Variants in PARD3B observed in about 807,000 individuals in gnomAD.
PARD3B encodes partitioning defective 3 homolog B.
A neutral mutation model predicts 130.2 loss-of-function variants in PARD3B; 103 were observed. The ratio of observed to expected loss-of-function variants is 0.79; its 90% CI spans 0.67 to 0.93. PARD3B has a LOEUF of 0.93. Ranked by LOEUF, PARD3B falls within the 40% of genes least tolerant of loss-of-function variation. The pLI is 0.00. For missense variants in PARD3B, 1,609 were observed against 1,499.2 expected, an observed-to-expected ratio of 1.07 and a Z score of -1.21; for synonymous variants, 583 against 553.2, an observed-to-expected ratio of 1.05 and a Z score of -0.76.
intron 2 of PARD3B, among the ~76,000 whole-genome samples, chr2:204,698,751 G>T (rs1175671906): frequency 6.6e-6 from 1 of 151,926 alleles, no homozygotes; most frequent in Admixed American, 6.6e-5. Flanking sequence ...GTCAATGCGT[G>T]GTCTTACAGA....
intron 2 of PARD3B, among the ~76,000 whole-genome samples, chr2:204,829,947 C>T (rs565751415): frequency 1.4e-5 from 2 of 140,964 alleles, no homozygotes; most frequent in South Asian, 2.2e-4. Context: ...TGCAGTGAGC[C>T]GAGATCGCGC....
intron 15 of PARD3B, among the ~76,000 whole-genome samples, chr2:205,215,500 T>G (rs1226013661): frequency 1.3e-5 from 2 of 152,038 alleles, no homozygotes; most frequent in East Asian, 1.9e-4. Context: ...AACAAATATT[T>G]CAATTCGGAA....
At chr2:205,425,550 TAAA>T (rs34514205) in intron 19 of PARD3B, among the ~76,000 whole-genome samples, 44 of 134,636 alleles carry the variant, frequency 3.3e-4, no homozygotes, top group Non-Finnish European at 2.7e-4. Context: ...AGACTCGGTG[TAAA>T]AAAAAAAAAA....
chr2:205,491,570 A>C (rs1467736216), intron 20 of PARD3B, among the ~76,000 whole-genome samples: 5 of 152,158 alleles, frequency 3.3e-5, no homozygotes, highest in African/African-American at 1.2e-4. Flanking sequence ...CTTTTTGCTT[A>C]GGATTGACTT....
chr2:205,317,130 A>G (rs763579660), intron 18 of PARD3B, among the ~76,000 whole-genome samples: 33 of 152,220 alleles, frequency 2.2e-4, no homozygotes, highest in Non-Finnish European at 4.3e-4. Flanking sequence ...GCATCCTTGA[A>G]TTACATAAAT....
intron 22 of PARD3B, among the ~76,000 whole-genome samples, chr2:205,600,135 T>A (rs970167053): frequency 6.6e-6 from 1 of 152,198 alleles, no homozygotes; most frequent in Non-Finnish European, 1.5e-5. Flanking sequence ...GAATGGTCCA[T>A]TGGAAAAGGG....
intron 18 of PARD3B, among the ~76,000 whole-genome samples, chr2:205,385,506 A>G (rs1038451243): frequency 3.9e-5 from 6 of 152,178 alleles, no homozygotes; most frequent in African/African-American, 1.2e-4. Flanking sequence ...CTGGAAAAAC[A>G]CTGATAATCC....
intron 18 of PARD3B, among the ~76,000 whole-genome samples, chr2:205,359,121 C>T (rs1484400227): frequency 6.6e-6 from 1 of 152,216 alleles, no homozygotes; most frequent in Non-Finnish European, 1.5e-5. Flanking sequence ...CATTCCCTGA[C>T]TCTTACAAAC....
intron 2 of PARD3B, among the ~76,000 whole-genome samples, chr2:204,807,143 C>T (rs1156870309): frequency 6.6e-6 from 1 of 152,108 alleles, no homozygotes; most frequent in Admixed American, 6.6e-5. Context: ...ATGAGAACAG[C>T]ATGGGAAAAA....
intron 4 of PARD3B, among the ~76,000 whole-genome samples, chr2:205,058,337 T>A (rs1699861343): frequency 6.6e-6 from 1 of 151,992 alleles, no homozygotes; most frequent in Non-Finnish European, 1.5e-5. Context: ...TATCTACTCA[T>A]CTCTTGATGG....
chr2:205,208,642 C>G (rs976778827), intron 15 of PARD3B, among the ~76,000 whole-genome samples: 2 of 143,120 alleles, frequency 1.4e-5, no homozygotes, highest in African/African-American at 5.4e-5. Context: ...GAATAAAATA[C>G]CTAGGAATCC....
At chr2:205,089,679 T>C (rs1003062341) in intron 4 of PARD3B, among the ~76,000 whole-genome samples, 5 of 152,224 alleles carry the variant, frequency 3.3e-5, no homozygotes, top group African/African-American at 1.2e-4. Flanking sequence ...CAAAATCTCA[T>C]TGATTCTCCA....
intron 22 of PARD3B, among the ~76,000 whole-genome samples, chr2:205,582,446 G>A (rs1252075115): frequency 6.6e-6 from 1 of 152,152 alleles, no homozygotes; most frequent in Non-Finnish European, 1.5e-5. Context: ...TTTAATAATT[G>A]TGCTTGAGAA....
At chr2:205,104,974 A>G (rs1264901990) in intron 5 of PARD3B, among the ~76,000 whole-genome samples, 2 of 152,154 alleles carry the variant, frequency 1.3e-5, no homozygotes, top group East Asian at 3.9e-4. Flanking sequence ...AACCCTGTCT[A>G]TCAACCAGGG....
intron 15 of PARD3B, among the ~76,000 whole-genome samples, chr2:205,217,023 C>CA (rs11294783): frequency 2.0e-4 from 30 of 148,658 alleles, no homozygotes; most frequent in Non-Finnish European, 3.1e-4. Flanking sequence ...ATGTTTCAGG[C>CA]AAAAAAAAAA....
At chr2:204,883,791 G>A (rs1180506876) in intron 2 of PARD3B, among the ~76,000 whole-genome samples, 1 of 147,214 alleles carries the variant, frequency 6.8e-6, no homozygotes, top group Non-Finnish European at 1.5e-5. Flanking sequence ...CCAGGCTGGA[G>A]TGCAGTGGTG....
chr2:205,089,989 A>C (rs550696580), intron 4 of PARD3B, among the ~76,000 whole-genome samples: 1 of 152,294 alleles, frequency 6.6e-6, no homozygotes, highest in South Asian at 2.1e-4. Context: ...TTGCCTCACA[A>C]GTGAAGAGGT....
intron 10 of PARD3B, among the ~76,000 whole-genome samples, chr2:205,137,996 A>G (rs911934975): frequency 2.0e-5 from 3 of 152,218 alleles, no homozygotes; most frequent in Admixed American, 1.3e-4. Context: ...AGAGCACCAA[A>G]TCACATTTCA....
At chr2:204,741,500 A>G (rs1345197761) in intron 2 of PARD3B, among the ~76,000 whole-genome samples, 1 of 152,154 alleles carries the variant, frequency 6.6e-6, no homozygotes, top group Non-Finnish European at 1.5e-5. Flanking sequence ...GTCTTAGTTC[A>G]TAATTCAGTA....
Sources: gnomAD v4.1 joint callset for allele counts (sites outside exome capture counted in the v4.1 genomes callset) on GRCh38, gnomAD v4.1.1 for gene constraint, MANE v1.5 for transcripts, NCBI Gene and HGNC (gene_info 2026-07-23, HGNC 2026-07-21) for gene names.